CRB1: variants seen among roughly 807,000 people sequenced by gnomAD.
CRB1 encodes protein crumbs homolog 1.
CRB1 carries 83 observed loss-of-function variants against 120.0 expected under a neutral mutation model. The observed-to-expected ratio is 0.69, with a 90% confidence interval of 0.58 to 0.83. CRB1 has a LOEUF of 0.83. CRB1 is among the 40% of genes least tolerant of loss of function. The probability of loss-of-function intolerance (pLI) is 0.00; values close to 1 mark genes in which losing one functional copy is unlikely to be tolerated. For missense variants in CRB1, 1,699 were observed against 1,687.6 expected (o/e 1.01, Z -0.12); for synonymous variants, 625 against 612.5 (o/e 1.02, Z -0.30).
intron 6 of CRB1, among the ~76,000 whole-genome samples, chr1:197,424,874 T>G (rs1664506112): frequency 6.6e-6 from 1 of 152,196 alleles, no homozygotes; most frequent in East Asian, 1.9e-4. Context: ...GTCAACCACT[T>G]GTATGAGTAT....
chr1:197,328,728 A>G lies in CRB1; in HGVS notation c.377A>G (p.His126Arg), dbSNP rs1300735825. The change falls in exon 2 of 12, where the codon CAT (histidine) becomes CGT (arginine). Residue 126 changes from histidine (H) to arginine (R), a missense_variant. By Grantham distance (29) the His-to-Arg change is conservative. Transcript: ENST00000367400. ...KNSCQHGGIC[H>R]QDPIYPVCIC... ...TCCTGCCAACATGGAGGTATTTGCC[A>G]TCAGGACCCTATTTATCCTGTCTGC... 6.2e-7 allele frequency: 1 copy of G among 1,612,214 alleles called. No homozygotes were observed. The highest frequency in any genetic ancestry group is 8.5e-7 in the Non-Finnish European group (1 of 1,178,600).
chr1:197,381,512 G>C (rs1460331488), intron 5 of CRB1, among the ~76,000 whole-genome samples: 1 of 152,072 alleles, frequency 6.6e-6, no homozygotes, highest in East Asian at 1.9e-4. Flanking sequence ...AAGCATTCAG[G>C]CATCAATTTA....
Position 197,435,260 on chromosome 1 carries a change from G to A in CRB1, c.3397G>A (p.Val1133Met), listed in dbSNP as rs116246250. ...EQFLKISTNS[V>M]VTGCLQLNVC... Reference sequence around the variant, plus strand: ...ATTTCTCAAAATCTCTACCAATTCAGTGGTCACTGGCTGTTTGCAGTTAAA... The same window carrying A: ...ATTTCTCAAAATCTCTACCAATTCAATGGTCACTGGCTGTTTGCAGTTAAA... The change falls in exon 9 of 12, where the codon GTG (valine) becomes ATG (methionine). Residue 1133 changes from valine to methionine, a missense_variant. Val to Met is a conservative substitution (Grantham distance 21). Transcript: ENST00000367400. 866 of 1,613,874 alleles carry A rather than the reference G, an allele frequency of 5.4e-4. 2 individuals are homozygous for A. The highest frequency in any genetic ancestry group is 3.0e-4 in the Non-Finnish European group (350 of 1,179,846).
chr1:197,474,774 T>C (rs1667128388), intron 11 of CRB1, among the ~76,000 whole-genome samples: 1 of 152,178 alleles, frequency 6.6e-6, no homozygotes. Flanking sequence ...GAACCGCCAT[T>C]TACTCCAACA....
intron 4 of CRB1, among the ~76,000 whole-genome samples, chr1:197,354,002 G>A (rs1363071453): frequency 1.4e-5 from 2 of 142,086 alleles, no homozygotes; most frequent in East Asian, 4.0e-4. Flanking sequence ...GAAAAAAACA[G>A]GAAAAAATAT....
intron 1 of CRB1, among the ~76,000 whole-genome samples, chr1:197,313,413 T>C (rs1362856062): frequency 2.6e-5 from 4 of 152,212 alleles, no homozygotes; most frequent in African/African-American, 9.6e-5. Context: ...CCAATTGAGA[T>C]ATACATCACC....
the CRB1 span, among the ~76,000 whole-genome samples, chr1:197,261,602 T>C: frequency 2.6e-5 from 4 of 152,324 alleles, no homozygotes; most frequent in East Asian, 1.9e-4. Context: ...AACTGTAGCA[T>C]AGAGTGGTAT....
At chr1:197,417,381 C>T (rs765259270) in intron 5 of CRB1, among the ~76,000 whole-genome samples, 1 of 152,160 alleles carries the variant, frequency 6.6e-6, no homozygotes, top group Non-Finnish European at 1.5e-5. Flanking sequence ...GTTAAGGGTA[C>T]GTGAATCCTG....
At chr1:197,453,890 A>G (rs1193154418) in intron 11 of CRB1, among the ~76,000 whole-genome samples, 1 of 134,220 alleles carries the variant, frequency 7.5e-6, no homozygotes, top group Non-Finnish European at 1.6e-5. Context: ...TATATTATTA[A>G]TATTATTATA....
At chr1:197,311,697 TAG>T (rs1491094760) in intron 1 of CRB1, among the ~76,000 whole-genome samples, 7 of 96,484 alleles carry the variant, frequency 7.3e-5, no homozygotes, top group African/African-American at 1.3e-4. Context: ...CTCATATAGT[TAG>T]TGTGTGTGTG....
rs1203754902 is a variant in CRB1, at chr1:197,316,923, C to CA, written c.71-11490dup. ...TTACAATGGCTACAAAAAAAAAAAACAAAAAAAAACCCAGAATGCCTAGTA... is the reference window on the plus strand; with the variant it reads ...TTACAATGGCTACAAAAAAAAAAAACAAAAAAAAAACCCAGAATGCCTAGTA... On this transcript the variant is annotated intron_variant, in intron 1 of 11. Transcript: ENST00000367400. 5.2e-4 allele frequency among the ~76,000 whole-genome samples: 65 copies of CA among 125,772 alleles called. 1 individual carries two copies. Among genetic ancestry groups the CA allele is most frequent in the African/African-American group, 8.1e-4 (28 of 34,356 alleles). 82.5% of individuals were successfully genotyped at this position (125,772 alleles called of 152,430 possible).
rs764559246 is a variant in CRB1 at position 197,421,109 on chromosome 1, C to A, written c.1281C>A (p.Asn427Lys). The change falls in exon 6 of 12, where the codon AAC becomes AAA. Residue 427 changes from asparagine to lysine, a missense_variant. By Grantham distance (94) the Asn-to-Lys change is moderately conservative. Coordinates refer to ENST00000367400, the MANE Select transcript of CRB1 (RefSeq NM_201253.3). ...ATACTTGCCATTGCCCATTTGATAACCTTTCTAGAACTTTTTATGGAGGAA... is the reference window on the plus strand; with the variant it reads ...ATACTTGCCATTGCCCATTTGATAAACTTTCTAGAACTTTTTATGGAGGAA... ...GNYTCHCPFDNLSRTFYGGRD... is the reference protein window; with the variant it reads ...GNYTCHCPFDKLSRTFYGGRD... 4 of 1,614,148 alleles carry A rather than the reference C, an allele frequency of 2.5e-6. No individual in the cohort carries two copies. The South Asian group carries it at 3.3e-5, about 13-fold the overall frequency.
chr1:197,475,217 G>A (rs1667149287), intron 11 of CRB1, among the ~76,000 whole-genome samples: 1 of 152,148 alleles, frequency 6.6e-6, no homozygotes, highest in South Asian at 2.1e-4. Context: ...ATTCTTGAAT[G>A]TCTCCAAGGC....
intron 5 of CRB1, among the ~76,000 whole-genome samples, chr1:197,418,374 C>T (rs975594805): frequency 6.6e-6 from 1 of 152,160 alleles, no homozygotes; most frequent in African/African-American, 2.4e-5. Context: ...AAATAGATTA[C>T]TTCCATTCAG....
chr1:197,476,362 T>TTGTGTGTGTGTG (rs35012815), intron 11 of CRB1, among the ~76,000 whole-genome samples: 2 of 140,380 alleles, frequency 1.4e-5, no homozygotes, highest in East Asian at 2.3e-4. Flanking sequence ...TTATGATTAT[T>TTGTGTGTGTGTG]TGTGTGTGTG....
Position 197,293,259 on chromosome 1 carries a change from A to G in CRB1, c.70+24777A>G, listed in dbSNP as rs956810177. ...GTGCAAAAATCACAAGCATTCTTATACACCAATAACAGACAAACAGAGAGC... is the reference window on the plus strand; with the variant it reads ...GTGCAAAAATCACAAGCATTCTTATGCACCAATAACAGACAAACAGAGAGC... On this transcript the variant is annotated intron_variant, in intron 1 of 11. Coordinates refer to ENST00000367400, the MANE Select transcript of CRB1 (RefSeq NM_201253.3). 2.1e-4 allele frequency among the ~76,000 whole-genome samples: 32 copies of G among 152,254 alleles called. 1 individual carries two copies. Among genetic ancestry groups the G allele is most frequent in the Admixed American group, 1.4e-3 (22 of 15,292 alleles).
intron 5 of CRB1, among the ~76,000 whole-genome samples, chr1:197,407,543 G>A (rs1029474056): frequency 1.3e-5 from 2 of 152,124 alleles, no homozygotes; most frequent in Non-Finnish European, 2.9e-5. Flanking sequence ...AGCTTTTCCA[G>A]ATCAAATATT....
chr1:197,257,449 C>CAG, the CRB1 span, among the ~76,000 whole-genome samples: 7 of 152,232 alleles, frequency 4.6e-5, no homozygotes, highest in East Asian at 1.4e-3. Context: ...TTAACCATCA[C>CAG]AAGTCTCTCA....
At position 197,435,306 on chromosome 1, in the gene CRB1, G is replaced by T; in HGVS notation, c.3443G>T (p.Cys1148Phe). 3 of 1,613,810 alleles carry T rather than the reference G, an allele frequency of 1.9e-6. No homozygotes were observed. The highest frequency in any genetic ancestry group is 2.5e-6 in the Non-Finnish European group (3 of 1,179,840). ...LQLNVCNSNP[C>F]LHGGNCEDIY... ...TTAAATGTCTGCAACTCCAACCCCT[G>T]TTTGCATGGAGGAAACTGTGAAGAC... Residue 1148 changes from cysteine (C) to phenylalanine (F), a missense_variant, in exon 9 of 12, where the codon TGT becomes TTT. Cys to Phe is a radical substitution (Grantham distance 205). Transcript: ENST00000367400.
Sources: gnomAD v4.1 joint callset for allele counts (sites outside exome capture counted in the v4.1 genomes callset) on GRCh38, gnomAD v4.1.1 for gene constraint, MANE v1.5 for transcripts, NCBI Gene and HGNC (gene_info 2026-07-23, HGNC 2026-07-21) for gene names.